The following IGFL2 variants were observed in gnomAD, a reference collection of about 807,000 sequenced individuals.
IGFL2 encodes insulin growth factor-like family member 2.
In IGFL2, 7 loss-of-function variants were observed where a neutral mutation model predicts 13.9. The ratio of observed to expected loss-of-function variants is 0.51; its 90% CI spans 0.29 to 0.95. IGFL2 has a LOEUF of 0.95. Among genes scored for constraint, IGFL2 ranks in the 40% least tolerant of loss-of-function variants. IGFL2 has a pLI of 0.08. For missense variants in IGFL2, 138 were observed against 147.8 expected (o/e 0.93, Z 0.34); for synonymous variants, 55 against 55.8 (o/e 0.99, Z 0.07).
chr19:46,096,510 A>C, the IGFL2 span, among the ~76,000 whole-genome samples: 2 of 151,916 alleles, frequency 1.3e-5, no homozygotes, highest in Admixed American at 1.3e-4. Flanking sequence ...AATACTCTTT[A>C]TTTCTTTCTC....
chr19:46,100,892 A>G, the IGFL2 span, among the ~76,000 whole-genome samples: 30 of 151,936 alleles, frequency 2.0e-4, no homozygotes, highest in African/African-American at 7.0e-4. Context: ...TGACCTTTGG[A>G]TGAAGTTTTT....
the IGFL2 span, among the ~76,000 whole-genome samples, chr19:46,122,465 A>C: frequency 1.3e-5 from 2 of 151,016 alleles, no homozygotes; most frequent in Admixed American, 1.3e-4. Flanking sequence ...ACAGATAATA[A>C]ATGTTAATAA....
the IGFL2 span, among the ~76,000 whole-genome samples, chr19:46,184,453 G>A: frequency 5.1e-3 from 780 of 152,034 alleles, 5 homozygotes; most frequent in African/African-American, 0.018. Context: ...GGTGTGTGAT[G>A]TTCCCCTCCT....
the IGFL2 span, chr19:46,211,538 G>T: frequency 6.6e-6 from 1 of 152,182 alleles, no homozygotes; most frequent in Non-Finnish European, 1.5e-5. Context: ...AGGGCAAGCA[G>T]TGGGGGAGCT....
the IGFL2 span, among the ~76,000 whole-genome samples, chr19:46,105,342 G>A: frequency 1.3e-5 from 2 of 152,156 alleles, no homozygotes; most frequent in Non-Finnish European, 2.9e-5. Flanking sequence ...GTGGAGTGGG[G>A]CAGAGCAGTA....
chr19:46,130,738 T>C, the IGFL2 span, among the ~76,000 whole-genome samples: 1 of 152,232 alleles, frequency 6.6e-6, no homozygotes, highest in Non-Finnish European at 1.5e-5. Context: ...TAATGATGTA[T>C]AGTTCCTTTT....
At chr19:46,195,664 G>A in the IGFL2 span, 1 of 152,130 alleles carries the variant, frequency 6.6e-6, no homozygotes, top group Non-Finnish European at 1.5e-5. Context: ...GGCAGGTGAC[G>A]CTTTGGCCCC....
the IGFL2 span, among the ~76,000 whole-genome samples, chr19:46,167,380 G>C: frequency 6.6e-6 from 1 of 152,258 alleles, no homozygotes; most frequent in Middle Eastern, 3.4e-3. Flanking sequence ...AGCCAGGGTC[G>C]GAGCCTGGCT....
At chr19:46,168,125 A>G in the IGFL2 span, among the ~76,000 whole-genome samples, 130 of 152,280 alleles carry the variant, frequency 8.5e-4, 2 homozygotes, top group Middle Eastern at 0.017. Flanking sequence ...TTTAGAGACT[A>G]GGTCTCGCTG....
chr19:46,117,208 G>A, the IGFL2 span, among the ~76,000 whole-genome samples: 2 of 152,048 alleles, frequency 1.3e-5, no homozygotes, highest in African/African-American at 2.4e-5. Context: ...AAGGTTAATT[G>A]AGGCTGCAGT....
At chr19:46,089,004 A>G in the IGFL2 span, among the ~76,000 whole-genome samples, 1 of 152,136 alleles carries the variant, frequency 6.6e-6, no homozygotes. Flanking sequence ...ATTTATAGGT[A>G]AGGACTTTCT....
At chr19:46,116,217 T>C in the IGFL2 span, among the ~76,000 whole-genome samples, 1 of 152,176 alleles carries the variant, frequency 6.6e-6, no homozygotes, top group South Asian at 2.1e-4. Context: ...TCTCCTCATT[T>C]CCCAGTCTTT....
the IGFL2 span, among the ~76,000 whole-genome samples, chr19:46,135,892 T>A: frequency 6.6e-6 from 1 of 152,254 alleles, no homozygotes; most frequent in Non-Finnish European, 1.5e-5. Flanking sequence ...CACTTTCTTT[T>A]CTTTAAGGAT....
At chr19:46,152,633 TTTAC>T (rs1191101840) in intron 1 of IGFL2, among the ~76,000 whole-genome samples, 1 of 152,200 alleles carries the variant, frequency 6.6e-6, no homozygotes, top group Non-Finnish European at 1.5e-5. Flanking sequence ...TAGAAATCAT[TTTAC>T]TTTATCTTTC....
chr19:46,188,558 A>T, the IGFL2 span, among the ~76,000 whole-genome samples: 1 of 152,138 alleles, frequency 6.6e-6, no homozygotes, highest in South Asian at 2.1e-4. Flanking sequence ...CTCTCTCTAT[A>T]CTGAGGCTTA....
At chr19:46,214,583 G>A in the IGFL2 span, 1 of 152,082 alleles carries the variant, frequency 6.6e-6, no homozygotes, top group South Asian at 2.1e-4. Context: ...CTGCATGGTC[G>A]GACCTCATCA....
upstream of IGFL2, among the ~76,000 whole-genome samples, chr19:46,139,492 C>G (rs1482304835): frequency 6.6e-6 from 1 of 151,932 alleles, no homozygotes; most frequent in African/African-American, 2.4e-5. Context: ...AAAGATACAT[C>G]ATGCAAACAC....
chr19:46,196,194 A>G, the IGFL2 span: 413 of 200,264 alleles, frequency 2.1e-3, 9 homozygotes, highest in Non-Finnish European at 5.3e-4. Flanking sequence ...AGCTGCTGAG[A>G]CCTGCTGATC....
At chr19:46,086,476 A>G in the IGFL2 span, among the ~76,000 whole-genome samples, 2 of 152,012 alleles carry the variant, frequency 1.3e-5, no homozygotes, top group Non-Finnish European at 2.9e-5. Flanking sequence ...GGTGCGCACC[A>G]CCATGCCTGG....
Sources: gnomAD v4.1 joint callset for allele counts (sites outside exome capture counted in the v4.1 genomes callset) on GRCh38, gnomAD v4.1.1 for gene constraint, MANE v1.5 for transcripts, NCBI Gene and HGNC (gene_info 2026-07-23, HGNC 2026-07-21) for gene names.